PHAF1: variants seen among roughly 807,000 people sequenced by gnomAD.
PHAF1 encodes phagosome assembly factor 1.
PHAF1 carries 23 observed loss-of-function variants against 63.1 expected under a neutral mutation model. That is an observed-to-expected ratio of 0.36 (90% CI 0.26 to 0.52). The LOEUF (loss-of-function observed/expected upper bound fraction) is 0.52, where lower values mean the gene tolerates loss of function less well. PHAF1 is among the 20% of genes least tolerant of loss of function. PHAF1 has a pLI of 0.93. For synonymous variants in PHAF1, 167 were observed against 185.0 expected (o/e 0.90, Z 0.79); for missense variants, 427 against 517.2 (o/e 0.83, Z 1.69).
intron 15 of PHAF1, 112 bp downstream of exon 15, chr16:67,146,462 T>G: frequency 9.2e-7 from 1 of 1,085,000 alleles, no homozygotes; most frequent in South Asian, 1.3e-5. Context: ...AGTGGGCAGA[T>G]TCATCCTTCT....
At chr16:67,117,985 C>T (rs562824424) in intron 1 of PHAF1, among the ~76,000 whole-genome samples, 228 of 146,862 alleles carry the variant, frequency 1.6e-3, no homozygotes, top group Non-Finnish European at 2.6e-3. Flanking sequence ...GATAGAGTCT[C>T]GCTCTGTAGC....
intron 8 of PHAF1, chr16:67,135,866 T>C (rs753411879): frequency 1.3e-5 from 2 of 152,268 alleles, no homozygotes; most frequent in African/African-American, 2.4e-5. Flanking sequence ...CTGACTAGGC[T>C]ACAGGCACGC....
At chr16:67,116,677 T>C (rs1253516635) in intron 1 of PHAF1, among the ~76,000 whole-genome samples, 1 of 152,174 alleles carries the variant, frequency 6.6e-6, no homozygotes, top group Non-Finnish European at 1.5e-5. Context: ...CAGTGAGACC[T>C]AGTCTCTACC....
chr16:67,146,273 C>G lies in PHAF1; in HGVS notation c.1110-5C>G. ...CCTCTCTAATTCTGAATTCTTTGGCCTCAGGTCTTCCTCCCCAAACAACAC... is the reference window on the plus strand; with the variant it reads ...CCTCTCTAATTCTGAATTCTTTGGCGTCAGGTCTTCCTCCCCAAACAACAC... On this transcript the variant is annotated splice_region_variant and splice_polypyrimidine_tract_variant and intron_variant, in intron 14 of 15. Coordinates refer to ENST00000219139, the MANE Select transcript of PHAF1 (RefSeq NM_025187.5). The G allele has an allele frequency of 6.2e-7, 1 of 1,613,260 alleles. No individual in the cohort carries two copies. Among genetic ancestry groups the G allele is most frequent in the Non-Finnish European group, 8.5e-7 (1 of 1,179,248 alleles).
chr16:67,133,951 AAAG>A (rs1320471338), intron 6 of PHAF1, among the ~76,000 whole-genome samples: 2 of 151,764 alleles, frequency 1.3e-5, no homozygotes, highest in Non-Finnish European at 2.9e-5. Flanking sequence ...TCTCAAAAAA[AAAG>A]AAAAAAAAAG....
At chr16:67,128,116 T>C (rs1963260572) in intron 3 of PHAF1, among the ~76,000 whole-genome samples, 1 of 152,116 alleles carries the variant, frequency 6.6e-6, no homozygotes, top group Admixed American at 6.5e-5. Flanking sequence ...AAGTAGGTAC[T>C]GTTTACTAGC....
At chr16:67,133,012 C>G (rs1428460445) in intron 6 of PHAF1, 101 bp downstream of exon 6, 5 of 966,868 alleles carry the variant, frequency 5.2e-6, no homozygotes, top group Non-Finnish European at 7.9e-6. Context: ...ATTAGATAGG[C>G]AGACTTTCTT....
intron 4 of PHAF1, 24 bp from the exon 5 acceptor site, chr16:67,132,422 T>C: frequency 6.4e-7 from 1 of 1,568,586 alleles, no homozygotes; most frequent in Non-Finnish European, 8.7e-7. Flanking sequence ...AAGCCTAGTA[T>C]TAAAAAATAT....
chr16:67,133,016 C>CT, intron 6 of PHAF1, 105 bp downstream of exon 6: 1 of 937,914 alleles, frequency 1.1e-6, no homozygotes, highest in Admixed American at 2.2e-5. Context: ...GATAGGCAGA[C>CT]TTTCTTTGGT....
rs558520995 is a variant in PHAF1 at position 67,139,811 on chromosome 16, C to T, written c.662-173C>T. The T allele has an allele frequency of 3.5e-5, 23 of 654,584 alleles. No homozygotes were observed. The East Asian group carries it at 4.2e-4, about 12-fold the overall frequency. The allele number at this position is 654,584 out of a possible 1,614,324, so 40.5% of individuals were successfully genotyped here. On this transcript the variant is annotated intron_variant, in intron 8 of 15. Transcript: ENST00000219139. ...AAGTCCCTGGCATTATTTTGAATAG[C>T]GATCTCTTGTACAGTCTTAAGCCCT...
chr16:67,117,199 A>ATTT (rs750308105), intron 1 of PHAF1, among the ~76,000 whole-genome samples: 3,183 of 111,876 alleles, frequency 0.028, 183 homozygotes, highest in African/African-American at 0.12. Flanking sequence ...TGCCCAGCTA[A>ATTT]TTTTTTTTTT....
At chr16:67,132,272 C>T (rs1217945970) in intron 4 of PHAF1, 174 bp from the exon 5 acceptor site, 5 of 608,684 alleles carry the variant, frequency 8.2e-6, no homozygotes, top group Non-Finnish European at 1.4e-5. Context: ...AACTGACCTT[C>T]TCCTGACCTC....
chr16:67,131,023 C>CA (rs1356924933), intron 3 of PHAF1, among the ~76,000 whole-genome samples: 1 of 152,096 alleles, frequency 6.6e-6, no homozygotes, highest in Admixed American at 6.5e-5. Flanking sequence ...GAGGCTAAGA[C>CA]AGGAGGATCA....
Position 67,147,905 on chromosome 16 carries a change from C to CT in PHAF1, c.*775dup, listed in dbSNP as rs1567658481. ...CCTACTTTTGTTGTGTTTCAGCATT[C>CT]TGTTCTGCACTGTGGGCTGGCTCTC... On this transcript the variant is annotated 3_prime_UTR_variant, in exon 16 of 16. Coordinates refer to ENST00000219139, the MANE Select transcript of PHAF1 (RefSeq NM_025187.5). The CT allele has an allele frequency of 6.5e-6, 1 of 152,710 alleles. No homozygotes were observed. Among genetic ancestry groups the CT allele is most frequent in the Non-Finnish European group, 1.5e-5 (1 of 68,066 alleles). 9.5% of individuals were successfully genotyped at this position (152,710 alleles called of 1,614,324 possible).
chr16:67,122,615 T>G (rs949416628), intron 2 of PHAF1, among the ~76,000 whole-genome samples: 10 of 152,020 alleles, frequency 6.6e-5, no homozygotes, highest in African/African-American at 2.4e-4. Flanking sequence ...TGAATCCTGA[T>G]TTAGATCTCT....
intron 1 of PHAF1, among the ~76,000 whole-genome samples, chr16:67,116,688 A>G (rs1380703605): frequency 6.6e-6 from 1 of 152,216 alleles, no homozygotes; most frequent in Non-Finnish European, 1.5e-5. Flanking sequence ...AGTCTCTACC[A>G]AAAATTTAAA....
intron 3 of PHAF1, among the ~76,000 whole-genome samples, chr16:67,126,609 T>C (rs942366177): frequency 6.6e-6 from 1 of 150,942 alleles, no homozygotes; most frequent in Admixed American, 6.6e-5. Flanking sequence ...TTTTTTTTTT[T>C]TTTGAGATGA....
At chr16:67,117,980 A>C (rs1962809447) in intron 1 of PHAF1, among the ~76,000 whole-genome samples, 1 of 142,764 alleles carries the variant, frequency 7.0e-6, no homozygotes, top group South Asian at 2.3e-4. Context: ...TTTGAGATAG[A>C]GTCTCGCTCT....
intron 3 of PHAF1, among the ~76,000 whole-genome samples, chr16:67,129,607 G>A (rs1238504596): frequency 6.6e-6 from 1 of 152,220 alleles, no homozygotes; most frequent in African/African-American, 2.4e-5. Context: ...GGCTCAGATT[G>A]GCAGGACAAA....
Sources: allele counts gnomAD v4.1 joint callset (sites outside exome capture counted in the v4.1 genomes callset), GRCh38; gene constraint gnomAD v4.1.1; transcripts MANE v1.5; gene names NCBI Gene and HGNC (gene_info 2026-07-23, HGNC 2026-07-21).